The following PLA2G15 variants were observed in gnomAD, a reference collection of about 807,000 sequenced individuals.
The protein encoded by PLA2G15 is lysosomal phospholipase A and acyltransferase.
PLA2G15 carries 20 observed loss-of-function variants against 40.9 expected under a neutral mutation model. That is an observed-to-expected ratio of 0.49 (90% confidence interval 0.34 to 0.71). The LOEUF is 0.71. PLA2G15 is among the 30% of genes least tolerant of loss of function. The pLI is 0.01. For missense variants in PLA2G15, 471 were observed against 541.9 expected, an observed-to-expected ratio of 0.87 and a Z score of 1.30; for synonymous variants, 223 against 228.2, an observed-to-expected ratio of 0.98 and a Z score of 0.21.
rs746344222 is a variant in PLA2G15, at chr16:68,249,359, C to A, written c.197C>A (p.Ser66Tyr). 1 of 1,614,110 alleles carries A rather than the reference C, an allele frequency of 6.2e-7. No homozygotes were observed. The highest frequency in any genetic ancestry group is 8.5e-7 in the Non-Finnish European group (1 of 1,179,952). Residue 66 changes from serine (S) to tyrosine (Y), a missense_variant, in exon 2 of 6, where the codon TCC becomes TAC. Coordinates refer to ENST00000219345, the MANE Select transcript of PLA2G15 (RefSeq NM_012320.4). ...DKPTVVHYLC[S>Y]KKTESYFTIW... ...CCGACAGTGGTGCACTACCTCTGCTCCAAGAAGACCGAAAGCTACTTCACA... is the reference window on the plus strand; with the variant it reads ...CCGACAGTGGTGCACTACCTCTGCTACAAGAAGACCGAAAGCTACTTCACA...
Position 68,255,324 on chromosome 16 carries a change from G to GCTAC in PLA2G15, c.447_450dup (p.Thr151LeufsTer5). The stretch of plus-strand genomic sequence containing the variant: ...ATGGTGGAGAGCCTTGTGGGCTGGG[G>GCTAC]CTACACACGGGGTGAGGATGTCCGA... On this transcript the variant is annotated frameshift_variant, in exon 4 of 6. Coordinates refer to ENST00000219345, the MANE Select transcript of PLA2G15 (RefSeq NM_012320.4). LOFTEE classifies it high-confidence loss of function. The surrounding 1 kb of genome is among the most constrained non-coding windows in gnomAD (Gnocchi z 5.9). The GCTAC allele has an allele frequency of 6.2e-7, 1 of 1,614,052 alleles. No homozygotes were observed. Among genetic ancestry groups the GCTAC allele is most frequent in the Non-Finnish European group, 8.5e-7 (1 of 1,179,942 alleles).
chr16:68,257,845 C>G (rs983631420), intron 5 of PLA2G15, among the ~76,000 whole-genome samples: 8 of 152,202 alleles, frequency 5.3e-5, no homozygotes, highest in African/African-American at 1.7e-4. Flanking sequence ...CTCTGTGAGT[C>G]CCCTTAGAGC....
chr16:68,255,215 G>A lies in PLA2G15; in HGVS notation c.404-67G>A, dbSNP rs769589924. 32 of 1,203,556 alleles carry A rather than the reference G, an allele frequency of 2.7e-5. No individual in the cohort carries two copies. Among genetic ancestry groups the A allele is most frequent in the Non-Finnish European group, 3.9e-5 (32 of 811,488 alleles). 74.6% of individuals were successfully genotyped at this position (1,203,556 alleles called of 1,614,324 possible). A position where few individuals can be genotyped will look rare whatever the true frequency, so the allele number is the denominator to read the frequency against. On this transcript the variant is annotated intron_variant, in intron 3 of 5. Coordinates refer to ENST00000219345, the MANE Select transcript of PLA2G15 (RefSeq NM_012320.4). The surrounding 1 kb of genome is among the most constrained non-coding windows in gnomAD (Gnocchi z 5.9). ...ACCTGCTAGCTGTCACAGTCTCCATGCTGGGCATAGTGTAGGTGGCCGGCA... is the reference window on the plus strand; with the variant it reads ...ACCTGCTAGCTGTCACAGTCTCCATACTGGGCATAGTGTAGGTGGCCGGCA...
In PLA2G15 at chr16:68,255,351, G is replaced by A; in HGVS notation, c.473G>A (p.Gly158Glu). ...WGYTRGEDVR[G>E]APYDWRRAPN... is the part of the protein sequence containing the mutation. ...TACACACGGGGTGAGGATGTCCGAG[G>A]GGCTCCCTATGACTGGCGCCGAGCC... is the stretch of plus-strand genomic sequence containing the variant. Residue 158 changes from glycine to glutamate, a missense_variant, in exon 4 of 6, where the codon GGG (glycine) becomes GAG (glutamate). Physicochemically the swap from Gly to Glu is moderately conservative, Grantham distance 98. Coordinates refer to ENST00000219345, the MANE Select transcript of PLA2G15 (RefSeq NM_012320.4). This position sits in a 1 kb window ranked among gnomAD's most constrained non-coding sequence, Gnocchi z 5.9. The A allele has an allele frequency of 6.2e-7, 1 of 1,613,292 alleles. No individual in the cohort carries two copies. The highest frequency in any genetic ancestry group is 8.5e-7 in the Non-Finnish European group (1 of 1,179,620).
chr16:68,254,131 C>T (rs912814815), intron 2 of PLA2G15, among the ~76,000 whole-genome samples: 4 of 151,946 alleles, frequency 2.6e-5, no homozygotes, highest in Admixed American at 1.3e-4. Context: ...GTGAAGTTCA[C>T]GGCAGAATCA....
At chr16:68,252,598 G>T (rs1189223190) in intron 2 of PLA2G15, 5 of 456,000 alleles carry the variant, frequency 1.1e-5, no homozygotes, top group Non-Finnish European at 2.2e-5. Flanking sequence ...GTTTGGCACT[G>T]CAGCTACAGA....
intron 5 of PLA2G15, among the ~76,000 whole-genome samples, chr16:68,256,620 T>G (rs1041376043): frequency 2.0e-5 from 3 of 152,068 alleles, no homozygotes; most frequent in African/African-American, 7.2e-5. Context: ...TTCAAGCGAT[T>G]CTGCCTCAGC....
chr16:68,246,400 T>C (rs1258017383), intron 1 of PLA2G15, among the ~76,000 whole-genome samples: 1 of 152,176 alleles, frequency 6.6e-6, no homozygotes, highest in Non-Finnish European at 1.5e-5. Flanking sequence ...CAGCCAGGAT[T>C]CCTGAAAGCA....
At chr16:68,248,840 G>A in intron 1 of PLA2G15, 1 of 438,896 alleles carries the variant, frequency 2.3e-6, no homozygotes, top group Non-Finnish European at 3.1e-6. Context: ...GTTTGCTGGG[G>A]GTGATTCAGA....
Position 68,255,396 on chromosome 16 carries a change from C to T in PLA2G15, c.502+16C>T. 2 of 1,573,556 alleles carry T rather than the reference C, an allele frequency of 1.3e-6. No homozygotes were observed. The highest frequency in any genetic ancestry group is 1.7e-6 in the Non-Finnish European group (2 of 1,146,960). On this transcript the variant is annotated intron_variant, in intron 4 of 5. Coordinates refer to ENST00000219345, the MANE Select transcript of PLA2G15 (RefSeq NM_012320.4). The surrounding 1 kb of genome is among the most constrained non-coding windows in gnomAD (Gnocchi z 5.9). ...CGAGCCCCAAGTAAGCAGGCACTCT[C>T]ATTCCCTCCCTGACGTCTCGGGAGG... is the stretch of plus-strand genomic sequence containing the variant.
chr16:68,253,366 T>C (rs1374592161), intron 2 of PLA2G15: 5 of 421,636 alleles, frequency 1.2e-5, no homozygotes, highest in African/African-American at 2.0e-5. Context: ...TTTCTAGGGT[T>C]TGTTTTTGTT....
At chr16:68,248,953 A>G (rs1429520501) in intron 1 of PLA2G15, among the ~76,000 whole-genome samples, 1 of 152,228 alleles carries the variant, frequency 6.6e-6, no homozygotes, top group Non-Finnish European at 1.5e-5. Context: ...AGGATGTTCC[A>G]GTGAAAATCC....
intron 1 of PLA2G15, among the ~76,000 whole-genome samples, chr16:68,246,085 C>T (rs1375316029): frequency 6.6e-6 from 1 of 152,208 alleles, no homozygotes; most frequent in Non-Finnish European, 1.5e-5. Flanking sequence ...GTGGCATTGC[C>T]TGAGGGAAAA....
intron 1 of PLA2G15, among the ~76,000 whole-genome samples, chr16:68,246,874 G>A (rs2042313761): frequency 6.6e-6 from 1 of 152,150 alleles, no homozygotes. Context: ...TGACTGGTTG[G>A]GTCATCTGAA....
intron 5 of PLA2G15, among the ~76,000 whole-genome samples, chr16:68,257,136 C>G (rs764190468): frequency 1.3e-4 from 19 of 151,230 alleles, no homozygotes; most frequent in Non-Finnish European, 1.9e-4. Flanking sequence ...ATCTGCCTGC[C>G]TCAGCCTCCC....
In PLA2G15 at chr16:68,259,050, C is replaced by A; in HGVS notation, c.728-96C>A. 1.0e-6 allele frequency: 1 copy of A among 967,686 alleles called. No individual in the cohort carries two copies. Among genetic ancestry groups the A allele is most frequent in the South Asian group, 1.6e-5 (1 of 64,476 alleles). The allele number at this position is 967,686 out of a possible 1,614,324, so 59.9% of individuals were successfully genotyped here. A position where few individuals can be genotyped will look rare whatever the true frequency, so the allele number is the denominator to read the frequency against. ...TAGAGATGCGGGACTGTGGACTGGG[C>A]CCCTGGCTGGGGTCTGGCAGGGGCC... On this transcript the variant is annotated intron_variant, in intron 5 of 5. Transcript: ENST00000219345. The surrounding 1 kb of genome is among the most constrained non-coding windows in gnomAD (Gnocchi z 6.5).
chr16:68,245,395 G>T lies in PLA2G15; in HGVS notation c.-32G>T. ...GGCGAGAGCCCAGAGAGCTGAACCT[G>T]CATCCCGGACCTGCGGCGACCGTCG... On this transcript the variant is annotated 5_prime_UTR_variant, in exon 1 of 6. Coordinates refer to ENST00000219345, the MANE Select transcript of PLA2G15 (RefSeq NM_012320.4). 10 of 1,597,570 alleles carry T rather than the reference G, an allele frequency of 6.3e-6. No individual in the cohort carries two copies. Among genetic ancestry groups the T allele is most frequent in the African/African-American group, 4.0e-5 (3 of 74,920 alleles).
At position 68,259,931 on chromosome 16, in the gene PLA2G15, T is replaced by C; in HGVS notation, c.*274T>C. On this transcript the variant is annotated 3_prime_UTR_variant, in exon 6 of 6. Coordinates refer to ENST00000219345, the MANE Select transcript of PLA2G15 (RefSeq NM_012320.4). This position sits in a 1 kb window ranked among gnomAD's most constrained non-coding sequence, Gnocchi z 6.5. ...TGACCTTAGGACTGGCTCCACAGGG[T>C]GGACTGGCTGGGCCCTGGTCCCAGT... 1 of 499,888 alleles carries C rather than the reference T, an allele frequency of 2.0e-6. No homozygotes were observed. Among genetic ancestry groups the C allele is most frequent in the Non-Finnish European group, 3.6e-6 (1 of 276,738 alleles). The allele number at this position is 499,888 out of a possible 1,614,324, so 31.0% of individuals were successfully genotyped here.
chr16:68,252,738 C>G (rs1596946234), intron 2 of PLA2G15: 1 of 389,060 alleles, frequency 2.6e-6, no homozygotes, highest in East Asian at 7.3e-5. Flanking sequence ...GAGGCTAAGG[C>G]AGGAGGATCG....
Sources: gnomAD v4.1 joint callset for allele counts (sites outside exome capture counted in the v4.1 genomes callset) on GRCh38, gnomAD v4.1.1 for gene constraint, Gnocchi (gnomAD v3.1) non-coding constraint, MANE v1.5 for transcripts, NCBI Gene and HGNC (gene_info 2026-07-23, HGNC 2026-07-21) for gene names.